The following SIPA1L3 variants were observed in gnomAD, a reference collection of about 807,000 sequenced individuals.
The protein encoded by SIPA1L3 is signal-induced proliferation-associated 1-like protein 3.
Under a neutral mutation model 150.1 loss-of-function variants are expected in SIPA1L3, and 59 were observed. That is an observed-to-expected ratio of 0.39 (90% CI 0.32 to 0.49). The LOEUF is 0.49. SIPA1L3 is among the 20% of genes least tolerant of loss of function. The probability of loss-of-function intolerance (pLI) is 0.86; values close to 1 mark genes in which losing one functional copy is unlikely to be tolerated. For synonymous variants in SIPA1L3, 1,070 were observed against 1,077.6 expected (o/e 0.99, Z 0.14); for missense variants, 2,211 against 2,489.5 (o/e 0.89, Z 2.38).
intron 1 of SIPA1L3, among the ~76,000 whole-genome samples, chr19:37,926,079 A>G (rs534562215): frequency 7.9e-5 from 12 of 152,258 alleles, no homozygotes; most frequent in Non-Finnish European, 1.3e-4. Flanking sequence ...ACTGCCTGAC[A>G]TTGTGCTTTC....
intron 3 of SIPA1L3, among the ~76,000 whole-genome samples, chr19:38,088,076 A>T (rs1970176113): frequency 6.6e-6 from 1 of 152,244 alleles, no homozygotes; most frequent in Non-Finnish European, 1.5e-5. Flanking sequence ...GATAAAGGTG[A>T]TGCCTAGGGG....
chr19:38,107,020 T>C (rs1970637563), intron 7 of SIPA1L3, among the ~76,000 whole-genome samples: 1 of 152,188 alleles, frequency 6.6e-6, no homozygotes, highest in Non-Finnish European at 1.5e-5. Flanking sequence ...AACTCTAAGA[T>C]TGTAGAGAGG....
intron 1 of SIPA1L3, among the ~76,000 whole-genome samples, chr19:37,992,449 G>A (rs1257568851): frequency 1.3e-5 from 2 of 152,166 alleles, no homozygotes; most frequent in African/African-American, 2.4e-5. Flanking sequence ...TCAGGAGTTC[G>A]AGACCAGCCT....
intron 1 of SIPA1L3, among the ~76,000 whole-genome samples, chr19:38,019,804 C>T (rs1442090703): frequency 6.6e-6 from 1 of 152,126 alleles, no homozygotes; most frequent in African/African-American, 2.4e-5. Flanking sequence ...AATGGTAGCT[C>T]TGGCCAGGTG....
At chr19:38,066,311 T>TG (rs1480513449) in intron 2 of SIPA1L3, among the ~76,000 whole-genome samples, 1 of 152,164 alleles carries the variant, frequency 6.6e-6, no homozygotes, top group Non-Finnish European at 1.5e-5. Flanking sequence ...CCTGAGCCAC[T>TG]GGCCTGGCCT....
At chr19:37,935,093 T>G (rs567770199) in intron 1 of SIPA1L3, among the ~76,000 whole-genome samples, 1 of 152,294 alleles carries the variant, frequency 6.6e-6, no homozygotes, top group South Asian at 2.1e-4. Flanking sequence ...GAAGTAACAG[T>G]AGTGCAATGA....
intron 2 of SIPA1L3, among the ~76,000 whole-genome samples, chr19:38,078,670 A>G (rs1969910242): frequency 6.6e-6 from 1 of 152,142 alleles, no homozygotes. Context: ...GCCATTGATC[A>G]AGAACGGCTG....
At chr19:38,032,218 T>G (rs1432843620) in intron 2 of SIPA1L3, among the ~76,000 whole-genome samples, 1 of 152,220 alleles carries the variant, frequency 6.6e-6, no homozygotes, top group East Asian at 1.9e-4. Flanking sequence ...ATTTATATCC[T>G]ATGGGCTCAT....
intron 21 of SIPA1L3, 100 bp from the exon 22 acceptor site, chr19:38,205,997 A>C: frequency 7.3e-7 from 1 of 1,373,446 alleles, no homozygotes; most frequent in Non-Finnish European, 9.6e-7. Flanking sequence ...GTTGGCTCCA[A>C]AGCACAGCCG....
intron 9 of SIPA1L3, among the ~76,000 whole-genome samples, chr19:38,124,995 A>AGAGAGGGAGAGGGAGACCGGGGGGAGAGG (rs1971139247): frequency 3.9e-5 from 4 of 103,058 alleles, no homozygotes; most frequent in Admixed American, 1.0e-4. Context: ...GACTGTGGAA[A>AGAGAGGGAGAGGGAGACCGGGGGGAGAGG]GAGAGGGAGA....
chr19:38,050,389 AAGGTTGAAGTGAGCCAAGAT>A (rs1469059693), intron 2 of SIPA1L3, among the ~76,000 whole-genome samples: 3 of 122,518 alleles, frequency 2.4e-5, no homozygotes, highest in African/African-American at 4.1e-5. Flanking sequence ...CCAGGAGGCA[AAGGTTGAAGTGAGCCAAGAT>A]CACACCACTG....
At chr19:38,064,357 G>A (rs1654352) in intron 2 of SIPA1L3, among the ~76,000 whole-genome samples, 26,816 of 152,190 alleles carry the variant, frequency 0.18, 2,491 homozygotes, top group African/African-American at 0.22. Context: ...TCCTTGCCAG[G>A]TCACATTTGG....
At chr19:37,974,513 CA>C (rs11359136) in intron 1 of SIPA1L3, among the ~76,000 whole-genome samples, 39,013 of 131,270 alleles carry the variant, frequency 0.3, 5,971 homozygotes, top group East Asian at 0.62. Flanking sequence ...GACCGTGTCT[CA>C]AAAAAAAAAA....
intron 1 of SIPA1L3, among the ~76,000 whole-genome samples, chr19:37,942,545 A>AGGGGGGGGGG (rs2046669308): frequency 8.4e-6 from 1 of 118,720 alleles, no homozygotes; most frequent in African/African-American, 3.2e-5. Flanking sequence ...GGGGGAGGGC[A>AGGGGGGGGGG]GGAGACGGGG....
intron 10 of SIPA1L3, among the ~76,000 whole-genome samples, chr19:38,131,485 G>A (rs939266256): frequency 1.3e-5 from 2 of 152,178 alleles, no homozygotes; most frequent in Admixed American, 1.3e-4. Context: ...GAGCGAGCAG[G>A]AGTGAGAGCT....
intron 16 of SIPA1L3, among the ~76,000 whole-genome samples, chr19:38,189,384 G>A (rs541899083): frequency 2.0e-5 from 3 of 152,172 alleles, no homozygotes; most frequent in South Asian, 2.1e-4. Flanking sequence ...TCCCACTTAC[G>A]CCTCCCAAAG....
At chr19:38,095,442 A>G (rs990785884) in intron 4 of SIPA1L3, among the ~76,000 whole-genome samples, 3 of 152,164 alleles carry the variant, frequency 2.0e-5, no homozygotes, top group African/African-American at 4.8e-5. Context: ...CACAGAGTCA[A>G]GCGGGGAGTA....
intron 10 of SIPA1L3, among the ~76,000 whole-genome samples, chr19:38,135,040 C>G (rs1462544803): frequency 2.0e-5 from 3 of 152,162 alleles, no homozygotes; most frequent in African/African-American, 7.2e-5. Flanking sequence ...AACCGAGGCC[C>G]AGAGTGAACA....
intron 12 of SIPA1L3, among the ~76,000 whole-genome samples, chr19:38,148,383 G>T (rs1346534623): frequency 1.3e-4 from 20 of 151,624 alleles, no homozygotes; most frequent in Non-Finnish European, 1.5e-5. Flanking sequence ...GAAGGAACTG[G>T]ATCACTTGCC....
Sources: gnomAD v4.1 joint callset for allele counts (sites outside exome capture counted in the v4.1 genomes callset) on GRCh38, gnomAD v4.1.1 for gene constraint, MANE v1.5 for transcripts, NCBI Gene and HGNC (gene_info 2026-07-23, HGNC 2026-07-21) for gene names.